EHD1: variants seen among roughly 807,000 people sequenced by gnomAD.
EHD1 encodes the protein EH domain-containing protein 1.
In EHD1, 19 loss-of-function variants were observed where a neutral mutation model predicts 39.0. That is an observed-to-expected ratio of 0.49 (90% CI 0.34 to 0.72). The LOEUF (loss-of-function observed/expected upper bound fraction) is 0.72, where lower values mean the gene tolerates loss of function less well. Among genes scored for constraint, EHD1 ranks in the 30% least tolerant of loss-of-function variants. The pLI is 0.01. For synonymous variants in EHD1, 323 were observed against 331.2 expected (o/e 0.98, Z 0.27); for missense variants, 542 against 751.5 (o/e 0.72, Z 3.26).
At chr11:64,874,123 G>C (rs1426630733) in intron 2 of EHD1, among the ~76,000 whole-genome samples, 1 of 151,024 alleles carries the variant, frequency 6.6e-6, no homozygotes, top group Non-Finnish European at 1.5e-5. Flanking sequence ...GGCCAATATA[G>C]TGAAACCCCA....
Position 64,854,291 on chromosome 11 carries a change from C to A in EHD1, c.*42G>T. The stretch of plus-strand genomic sequence containing the variant: ...GCTTCCCCTCCCCCCGTCTCTGCCT[C>A]CCGGCCGGGCGTGCAAATGGCAGGT... On this transcript the variant is annotated 3_prime_UTR_variant, in exon 5 of 5. Coordinates refer to ENST00000320631, the MANE Select transcript of EHD1 (RefSeq NM_006795.4). 6.4e-7 allele frequency: 1 copy of A among 1,552,046 alleles called. No homozygotes were observed. The highest frequency in any genetic ancestry group is 1.2e-5 in the South Asian group (1 of 84,344).
At chr11:64,858,085 G>A (rs1386852897) in intron 3 of EHD1, among the ~76,000 whole-genome samples, 1 of 150,284 alleles carries the variant, frequency 6.7e-6, no homozygotes, top group Non-Finnish European at 1.5e-5. Context: ...GGTTGCTCAG[G>A]CTGGTCTCTA....
chr11:64,857,898 G>A (rs901193304), intron 3 of EHD1, among the ~76,000 whole-genome samples: 6 of 152,176 alleles, frequency 3.9e-5, no homozygotes, highest in Admixed American at 3.9e-4. Flanking sequence ...GCCATGAGGT[G>A]GGGGCAAGCA....
At chr11:64,857,813 G>A (rs546567668) in intron 3 of EHD1, among the ~76,000 whole-genome samples, 1 of 152,298 alleles carries the variant, frequency 6.6e-6, no homozygotes, top group African/African-American at 2.4e-5. Context: ...TCAGGGGACT[G>A]TGACCCTGGC....
chr11:64,878,776 C>T (rs1943921490), upstream of EHD1: 10 of 1,254,364 alleles, frequency 8.0e-6, no homozygotes, highest in Non-Finnish European at 1.0e-5. Flanking sequence ...CCTACCCCGC[C>T]CCCATTGGCT....
In EHD1 at chr11:64,868,247, G is replaced by A. The variant is rs570064879; in HGVS notation, c.502+6174C>T. The stretch of plus-strand genomic sequence containing the variant: ...TCTCGCCCTAGCTCTCCATCACACA[G>A]GTTTCCAACGCGTGCTGGGCCTCGT... On this transcript the variant is annotated intron_variant, in intron 2 of 4. Transcript: ENST00000320631. This position sits in a 1 kb window ranked among gnomAD's most constrained non-coding sequence, Gnocchi z 4.2. 5.3e-5 allele frequency among the ~76,000 whole-genome samples: 8 copies of A among 152,324 alleles called. No homozygotes were observed. Among genetic ancestry groups the A allele is most frequent in the African/African-American group, 1.7e-4 (7 of 41,564 alleles).
intron 2 of EHD1, among the ~76,000 whole-genome samples, chr11:64,862,840 T>C (rs186608554): frequency 7.0e-4 from 107 of 152,228 alleles, no homozygotes; most frequent in Non-Finnish European, 1.0e-3. Context: ...TGCCACTGCA[T>C]TCCAGCCTGG....
upstream of EHD1, chr11:64,878,691 G>A: frequency 7.4e-7 from 1 of 1,355,448 alleles, no homozygotes; most frequent in Non-Finnish European, 9.4e-7. Flanking sequence ...CGCCGCGGCG[G>A]GGGCAGGGCG....
At chr11:64,875,719 G>C (rs570748737) in intron 1 of EHD1, 3 of 152,270 alleles carry the variant, frequency 2.0e-5, no homozygotes, top group Non-Finnish European at 4.4e-5. Flanking sequence ...AGGGGCCCAC[G>C]GGCAGAGGGC....
chr11:64,858,219 C>T (rs1282635619), intron 3 of EHD1, among the ~76,000 whole-genome samples: 6 of 147,958 alleles, frequency 4.1e-5, no homozygotes, highest in Non-Finnish European at 7.4e-5. Flanking sequence ...TCTTGCTCTG[C>T]CACCTGGGAT....
At chr11:64,879,600 A>G (rs1488141287), upstream of EHD1, 2 of 1,550,158 alleles carry the variant, frequency 1.3e-6, no homozygotes, top group African/African-American at 1.4e-5. Context: ...TCTGTGCCCT[A>G]CCTCCCCTTA....
intron 2 of EHD1, among the ~76,000 whole-genome samples, chr11:64,862,012 A>AT (rs1288168478): frequency 6.6e-6 from 1 of 152,120 alleles, no homozygotes; most frequent in African/African-American, 2.4e-5. Flanking sequence ...GGCTCAAGCC[A>AT]TCCCCCCCAC....
chr11:64,876,640 A>G (rs1055270504), intron 1 of EHD1, among the ~76,000 whole-genome samples: 6 of 152,230 alleles, frequency 3.9e-5, no homozygotes, highest in Non-Finnish European at 5.9e-5. Flanking sequence ...AGACCCTCTG[A>G]ACCTCGGTTT....
In EHD1 at chr11:64,878,201, G is replaced by A; in HGVS notation, c.264C>T (p.Ile88=). 1 of 1,611,992 alleles carries A rather than the reference G, an allele frequency of 6.2e-7. No homozygotes were observed. The highest frequency in any genetic ancestry group is 1.1e-5 in the South Asian group (1 of 91,062). Residue 88 remains isoleucine (I), a synonymous_variant, in exon 1 of 5, where the codon ATC becomes ATT. Coordinates refer to ENST00000320631, the MANE Select transcript of EHD1 (RefSeq NM_006795.4). ...LIEQDFPGMR[I]GPEPTTDSFI... ...AGGAGTCGGTGGTGGGCTCGGGCCC[G>A]ATGCGCATCCCCGGGAAGTCCTGCT...
chr11:64,857,870 C>T (rs1365880259), intron 3 of EHD1, among the ~76,000 whole-genome samples: 1 of 152,092 alleles, frequency 6.6e-6, no homozygotes, highest in East Asian at 1.9e-4. Flanking sequence ...ATGATGTCTA[C>T]CCTGGTACCC....
At chr11:64,855,684 G>C in intron 3 of EHD1, 198 bp from the exon 4 acceptor site, 1 of 678,340 alleles carries the variant, frequency 1.5e-6, no homozygotes, top group Non-Finnish European at 2.4e-6. Flanking sequence ...AAGAGCCACA[G>C]CTGTCCACTG....
At chr11:64,877,956 C>T (rs1943902864) in intron 1 of EHD1, 105 bp downstream of exon 1, 3 of 1,253,230 alleles carry the variant, frequency 2.4e-6, no homozygotes, top group South Asian at 3.3e-5. Flanking sequence ...TCACTGGGGC[C>T]TCGGAGACAA....
At chr11:64,879,578 C>A (rs913560550), upstream of EHD1, 2 of 1,550,870 alleles carry the variant, frequency 1.3e-6, no homozygotes. Context: ...CATTTACCAT[C>A]ATTTACTGGG....
At chr11:64,866,180 A>T (rs1943764722) in intron 2 of EHD1, among the ~76,000 whole-genome samples, 1 of 152,196 alleles carries the variant, frequency 6.6e-6, no homozygotes, top group Admixed American at 6.5e-5. Context: ...CACCCATAAA[A>T]AGGAACAAGA....
Sources: gnomAD v4.1 joint callset for allele counts (sites outside exome capture counted in the v4.1 genomes callset) on GRCh38, gnomAD v4.1.1 for gene constraint, Gnocchi (gnomAD v3.1) non-coding constraint, MANE v1.5 for transcripts, NCBI Gene and HGNC (gene_info 2026-07-23, HGNC 2026-07-21) for gene names.